MTSS2: variants seen among roughly 807,000 people sequenced by gnomAD.
MTSS2 encodes MTSS I-BAR domain containing 2, also known as protein MTSS 2.
Under a neutral mutation model 67.1 loss-of-function variants are expected in MTSS2, and 27 were observed. The observed-to-expected ratio is 0.40, with a 90% confidence interval of 0.30 to 0.55. MTSS2 has a LOEUF of 0.55. Among genes scored for constraint, MTSS2 ranks in the 20% least tolerant of loss-of-function variants. The probability of loss-of-function intolerance (pLI) is 0.43; values close to 1 mark genes in which losing one functional copy is unlikely to be tolerated. For synonymous variants in MTSS2, 624 were observed against 468.6 expected (o/e 1.33, Z -4.28); for missense variants, 1,171 against 1,067.8 (o/e 1.10, Z -1.35).
At position 70,663,067 on chromosome 16, in the gene MTSS2, G is replaced by A. The variant is rs1390320874; in HGVS notation, c.*610C>T. On this transcript the variant is annotated 3_prime_UTR_variant, in exon 15 of 15. Transcript: ENST00000338779. ...CCCCTGGTTTCCTCCCTGAGACTTG[G>A]CGTGGGCCCTGGAACTCCCTTCCCA... The A allele has an allele frequency of 6.6e-6, 1 of 152,032 alleles. No homozygotes were observed. The highest frequency in any genetic ancestry group is 2.1e-4 in the South Asian group (1 of 4,808). 9.4% of individuals were successfully genotyped at this position (152,032 alleles called of 1,614,324 possible).
chr16:70,678,056 G>A (rs2053178041), intron 8 of MTSS2, among the ~76,000 whole-genome samples, 157 bp from the exon 9 acceptor site: 2 of 152,256 alleles, frequency 1.3e-5, no homozygotes, highest in South Asian at 4.1e-4. Context: ...GGCCCACACA[G>A]CCCAGAGGGC....
At chr16:70,676,369 C>T (rs1406276300) in intron 10 of MTSS2, among the ~76,000 whole-genome samples, 1 of 152,236 alleles carries the variant, frequency 6.6e-6, no homozygotes, top group Non-Finnish European at 1.5e-5. Flanking sequence ...TGGGAACCAG[C>T]TCTTAGGAGC....
intron 1 of MTSS2, among the ~76,000 whole-genome samples, chr16:70,681,232 A>AC (rs1477750674): frequency 6.6e-6 from 1 of 152,144 alleles, no homozygotes; most frequent in Non-Finnish European, 1.5e-5. Flanking sequence ...GTCCCTGGGA[A>AC]CGGGCGCCTT....
Position 70,679,186 on chromosome 16 carries a change from C to T in MTSS2, c.466+129G>A, listed in dbSNP as rs1415099928. ...GGGACTGTGCCCCAGGCCCCTCCCT[C>T]GTGGACCGACCGCCTTCCTCGCTTC... On this transcript the variant is annotated intron_variant, in intron 7 of 14. Transcript: ENST00000338779. 9.7e-6 allele frequency: 12 copies of T among 1,233,744 alleles called. No homozygotes were observed. In the East Asian group the frequency reaches 1.9e-4, roughly 19 times the overall value. The allele number at this position is 1,233,744 out of a possible 1,614,324, so 76.4% of individuals were successfully genotyped here.
chr16:70,670,784 T>G (rs2052904745), intron 11 of MTSS2, among the ~76,000 whole-genome samples: 2 of 151,870 alleles, frequency 1.3e-5, no homozygotes, highest in African/African-American at 4.8e-5. Flanking sequence ...GGAAACATAG[T>G]GAGACCCCCA....
chr16:70,685,429 C>A (rs2142953192), intron 1 of MTSS2, among the ~76,000 whole-genome samples: 1 of 152,332 alleles, frequency 6.6e-6, no homozygotes, highest in East Asian at 1.9e-4. Context: ...ATCCAAACCC[C>A]ATTCATGGTT....
At chr16:70,682,065 C>G (rs1292911154) in intron 1 of MTSS2, among the ~76,000 whole-genome samples, 5 of 152,226 alleles carry the variant, frequency 3.3e-5, no homozygotes, top group Non-Finnish European at 7.3e-5. Flanking sequence ...CTGGCTGCAA[C>G]CCAGGAGCAG....
chr16:70,672,366 A>G (rs2052968696), intron 11 of MTSS2, among the ~76,000 whole-genome samples: 1 of 151,178 alleles, frequency 6.6e-6, no homozygotes, highest in Non-Finnish European at 1.5e-5. Context: ...AAAAAAAGGA[A>G]AAGAGAAAAA....
At position 70,663,047 on chromosome 16, in the gene MTSS2, G is replaced by A. The variant is rs1299873639; in HGVS notation, c.*630C>T. The A allele has an allele frequency of 2.1e-5, 3 of 144,004 alleles. No homozygotes were observed. The East Asian group carries it at 6.0e-4, about 29-fold the overall frequency. The allele number at this position is 144,004 out of a possible 1,614,324, so 8.9% of individuals were successfully genotyped here. ...AGACCCCCCCCCCCAAGCAGCCCCT[G>A]GTTTCCTCCCTGAGACTTGGCGTGG... On this transcript the variant is annotated 3_prime_UTR_variant, in exon 15 of 15. Transcript: ENST00000338779.
chr16:70,667,488 A>G (rs576981508), intron 11 of MTSS2, among the ~76,000 whole-genome samples: 1 of 152,270 alleles, frequency 6.6e-6, no homozygotes, highest in Admixed American at 6.5e-5. Flanking sequence ...AAACCACCCT[A>G]AAACATCAGT....
Position 70,665,042 on chromosome 16 carries a change from T to G in MTSS2, c.1183A>C (p.Arg395=). 1 of 1,597,496 alleles carries G rather than the reference T, an allele frequency of 6.3e-7. No individual in the cohort carries two copies. Among genetic ancestry groups the G allele is most frequent in the Non-Finnish European group, 8.5e-7 (1 of 1,179,620 alleles). Residue 395 remains arginine (R), a synonymous_variant, in exon 13 of 15, where the codon AGG becomes CGG. Coordinates refer to ENST00000338779, the MANE Select transcript of MTSS2 (RefSeq NM_138383.3). ...CGCAGGAGCTCCACTCGGTCCTTCC[T>G]CCGCTGCAGAGTGGCGCCTGAGGGC... ...EQPSGATLQR[R]KDRVELLRDT... is the part of the protein sequence containing the mutation.
chr16:70,679,519 C>T (rs1053129734), intron 6 of MTSS2, 111 bp downstream of exon 6: 2 of 1,314,998 alleles, frequency 1.5e-6, no homozygotes, highest in Non-Finnish European at 2.1e-6. Flanking sequence ...GGTCCTGTGT[C>T]GGGGACAGCG....
In MTSS2 at chr16:70,661,516, C is replaced by T. The variant is rs950749191; in HGVS notation, c.*2161G>A. 36 of 346,762 alleles carry T rather than the reference C, an allele frequency of 1.0e-4. No individual in the cohort carries two copies. Among genetic ancestry groups the T allele is most frequent in the East Asian group, 1.6e-4 (2 of 12,268 alleles). 21.5% of individuals were successfully genotyped at this position (346,762 alleles called of 1,614,324 possible). Reference sequence around the variant, plus strand: ...GACGCTTTTGAAAAGAATATTTCTCCGTACAAAATGAGAAATTAAACGAAC... The same window carrying T: ...GACGCTTTTGAAAAGAATATTTCTCTGTACAAAATGAGAAATTAAACGAAC... On this transcript the variant is annotated 3_prime_UTR_variant, in exon 15 of 15. Coordinates refer to ENST00000338779, the MANE Select transcript of MTSS2 (RefSeq NM_138383.3).
rs562085472 is a variant in MTSS2 at position 70,679,555 on chromosome 16, G to A, written c.457+75C>T. The A allele has an allele frequency of 2.9e-4, 422 of 1,461,092 alleles. 1 individual carries two copies. In the African/African-American group the frequency reaches 5.1e-3, roughly 18 times the overall value. The allele number at this position is 1,461,092 out of a possible 1,614,324, so 90.5% of individuals were successfully genotyped here. Reference sequence around the variant, plus strand: ...CCCCTCTGGCTGGGATGAAGGCTTTGGGGCGCCCCACGGGGCGGTGGGGCT... The same window carrying A: ...CCCCTCTGGCTGGGATGAAGGCTTTAGGGCGCCCCACGGGGCGGTGGGGCT... On this transcript the variant is annotated intron_variant, in intron 6 of 14. Coordinates refer to ENST00000338779, the MANE Select transcript of MTSS2 (RefSeq NM_138383.3).
rs748017580 is a variant in MTSS2, at chr16:70,663,766, G to A, written c.2155C>T (p.Pro719Ser). 1.3e-6 allele frequency: 2 copies of A among 1,533,836 alleles called. No homozygotes were observed. Among genetic ancestry groups the A allele is most frequent in the Non-Finnish European group, 1.8e-6 (2 of 1,142,746 alleles). ...TPPPAATSDP[P>S]AEDMLVAIRR... is the part of the protein sequence containing the mutation. ...ATGGCCACCAGCATGTCTTCGGCCGGGGGGTCGCTGGTGGCGGCTGGGGGT... is the reference window on the plus strand; with the variant it reads ...ATGGCCACCAGCATGTCTTCGGCCGAGGGGTCGCTGGTGGCGGCTGGGGGT... The change falls in exon 15 of 15, where the codon CCG becomes TCG. Residue 719 changes from proline (P) to serine (S), a missense_variant. Transcript: ENST00000338779.
Position 70,678,243 on chromosome 16 carries a change from G to A in MTSS2, c.624+9C>T, listed in dbSNP as rs758738021. ...ACCCCTCTGGGGTCTGAGTCCCCAG[G>A]AGTCCCACCACCACAGGCTGCAGGA... On this transcript the variant is annotated intron_variant, in intron 8 of 14. Transcript: ENST00000338779. 6.2e-7 allele frequency: 1 copy of A among 1,602,538 alleles called. No individual in the cohort carries two copies. The highest frequency in any genetic ancestry group is 2.2e-5 in the East Asian group (1 of 44,794).
rs2052458981 is a variant in MTSS2, at chr16:70,661,351, A to C, written c.*2326T>G. ...TTCCAAAATCTGACGGAAAGAAAAG[A>C]AACAAATGGTTCAGATGGGACGGAG... is the stretch of plus-strand genomic sequence containing the variant. On this transcript the variant is annotated 3_prime_UTR_variant, in exon 15 of 15. Coordinates refer to ENST00000338779, the MANE Select transcript of MTSS2 (RefSeq NM_138383.3). The C allele has an allele frequency of 2.2e-6, 1 of 444,496 alleles. No homozygotes were observed. Among genetic ancestry groups the C allele is most frequent in the Admixed American group, 2.4e-5 (1 of 41,566 alleles). The allele number at this position is 444,496 out of a possible 1,614,324, so 27.5% of individuals were successfully genotyped here. A position where few individuals can be genotyped will look rare whatever the true frequency, so the allele number is the denominator to read the frequency against.
chr16:70,665,628 C>G, intron 11 of MTSS2, 88 bp from the exon 12 acceptor site: 2 of 1,198,504 alleles, frequency 1.7e-6, no homozygotes, highest in South Asian at 2.9e-5. Context: ...GGTCACAGAG[C>G]TGGCATGCAG....
chr16:70,685,183 T>C (rs1597833281), intron 1 of MTSS2, among the ~76,000 whole-genome samples: 1 of 123,720 alleles, frequency 8.1e-6, no homozygotes, highest in Admixed American at 8.9e-5. Context: ...CTTGGAGTCC[T>C]GGAGCTTCCT....
Sources: allele counts gnomAD v4.1 joint callset (sites outside exome capture counted in the v4.1 genomes callset), GRCh38; gene constraint gnomAD v4.1.1; transcripts MANE v1.5; gene names NCBI Gene and HGNC (gene_info 2026-07-23, HGNC 2026-07-21).